Variants in MAPK10 observed in about 807,000 individuals in gnomAD.
The protein encoded by MAPK10 is mitogen-activated protein kinase 10.
In MAPK10, 25 loss-of-function variants were observed where a neutral mutation model predicts 59.3. The ratio of observed to expected loss-of-function variants is 0.42; its 90% CI spans 0.31 to 0.59. The LOEUF (loss-of-function observed/expected upper bound fraction) is 0.59. Ranked by LOEUF, MAPK10 falls within the 20% of genes least tolerant of loss-of-function variation. MAPK10 has a pLI of 0.15. For synonymous variants in MAPK10, 190 were observed against 200.5 expected (o/e 0.95, Z 0.44); for missense variants, 351 against 568.9 (o/e 0.62, Z 3.90).
In MAPK10 at chr4:86,159,399, G is replaced by A. The variant is rs2068814261; in HGVS notation, c.135C>T (p.Asp45=). The A allele has an allele frequency of 6.2e-7, 1 of 1,612,672 alleles. No homozygotes were observed. The highest frequency in any genetic ancestry group is 1.1e-5 in the South Asian group (1 of 91,002). Residue 45 remains aspartate (D), a synonymous_variant, in exon 4 of 14, where the codon GAC becomes GAT. Transcript: ENST00000641462. ...CCACTTCCACACTGTAGAACTGGTTGTCAACTTTGCTTTTGCTCATGTTGT... is the reference window on the plus strand; with the variant it reads ...CCACTTCCACACTGTAGAACTGGTTATCAACTTTGCTTTTGCTCATGTTGT... ...KHYNMSKSKV[D]NQFYSVEVGD...
intron 1 of MAPK10, among the ~76,000 whole-genome samples, chr4:86,480,952 C>A (rs76317124): frequency 0.051 from 7,757 of 152,254 alleles, 255 homozygotes; most frequent in African/African-American, 0.071. Context: ...AACAGTAACA[C>A]AATGAGGCAG....
chr4:86,315,462 G>T (rs2095762490), intron 2 of MAPK10, among the ~76,000 whole-genome samples: 1 of 151,968 alleles, frequency 6.6e-6, no homozygotes, highest in African/African-American at 2.4e-5. Context: ...CACTTTCCAT[G>T]ATGTGATTAT....
In MAPK10 at chr4:86,231,648, C is replaced by T. The variant is rs189146250; in HGVS notation, c.-6-37241G>A. On this transcript the variant is annotated intron_variant, in intron 2 of 13. Transcript: ENST00000641462. ...ACTGCACTCCAACCTGGTGACAGAG[C>T]GAGACTCTGTCTCAAAAAAAGAAAA... Among the ~76,000 whole-genome samples, 127 of 151,146 alleles carry T rather than the reference C, an allele frequency of 8.4e-4. 2 individuals are homozygous for T. In the East Asian group the frequency reaches 0.022, roughly 27 times the overall value.
Position 86,010,405 on chromosome 4 carries a change from T to G in MAPK10, c.*6823A>C, listed in dbSNP as rs1741343757. 1 of 152,214 alleles carries G rather than the reference T, an allele frequency of 6.6e-6. No homozygotes were observed. Among genetic ancestry groups the G allele is most frequent in the Admixed American group, 6.5e-5 (1 of 15,278 alleles). 9.4% of individuals were successfully genotyped at this position (152,214 alleles called of 1,614,324 possible). A position where few individuals can be genotyped will look rare whatever the true frequency, so the allele number is the denominator to read the frequency against. ...AATGAAATAAAAATATTTGCTTTAG[T>G]TTTTTTAAACAAAGATTTATTAACT... On this transcript the variant is annotated 3_prime_UTR_variant, in exon 14 of 14. Transcript: ENST00000641462.
intron 4 of MAPK10, among the ~76,000 whole-genome samples, chr4:86,111,094 A>G (rs1487174438): frequency 6.6e-6 from 1 of 152,126 alleles, no homozygotes; most frequent in South Asian, 2.1e-4. Flanking sequence ...AAAGCTTGCT[A>G]AAGTCACTTA....
intron 2 of MAPK10, among the ~76,000 whole-genome samples, chr4:86,315,262 C>T (rs866657712): frequency 2.6e-5 from 4 of 151,110 alleles, no homozygotes; most frequent in Admixed American, 1.3e-4. Flanking sequence ...GTGGGGGATG[C>T]GGGGCATGGA....
At chr4:86,580,652 A>C (rs895240498) in intron 1 of MAPK10, among the ~76,000 whole-genome samples, 3 of 152,222 alleles carry the variant, frequency 2.0e-5, no homozygotes, top group Non-Finnish European at 4.4e-5. Context: ...ATCATTTTTC[A>C]AATGCTAAAA....
At chr4:86,482,883 A>C (rs1350420628) in intron 1 of MAPK10, among the ~76,000 whole-genome samples, 1 of 152,156 alleles carries the variant, frequency 6.6e-6, no homozygotes, top group Non-Finnish European at 1.5e-5. Context: ...ATTCTGGCTC[A>C]CCTAATTTTT....
chr4:86,279,438 CT>C (rs1161100297), intron 2 of MAPK10, among the ~76,000 whole-genome samples: 1 of 152,136 alleles, frequency 6.6e-6, no homozygotes, highest in Non-Finnish European at 1.5e-5. Flanking sequence ...ATTAAATTAA[CT>C]TTCAGTGCCC....
intron 2 of MAPK10, chr4:86,340,592 A>G (rs1271494253): frequency 1.3e-5 from 2 of 152,082 alleles, no homozygotes; most frequent in African/African-American, 4.8e-5. Context: ...TGGGGATTAC[A>G]ATTCATCATG....
At chr4:86,320,897 A>G (rs183608479) in intron 2 of MAPK10, among the ~76,000 whole-genome samples, 11 of 152,304 alleles carry the variant, frequency 7.2e-5, no homozygotes, top group Admixed American at 5.9e-4. Context: ...AGAAAAAAAC[A>G]AACAACCCCA....
At chr4:86,389,473 A>G (rs773036700) in intron 1 of MAPK10, among the ~76,000 whole-genome samples, 11 of 152,336 alleles carry the variant, frequency 7.2e-5, no homozygotes, top group African/African-American at 2.4e-5. Context: ...GTAATTCTCA[A>G]TGAAAGGGAG....
chr4:86,173,748 A>G (rs544674425), intron 3 of MAPK10, among the ~76,000 whole-genome samples: 1 of 152,348 alleles, frequency 6.6e-6, no homozygotes, highest in Non-Finnish European at 1.5e-5. Context: ...AAGGTCTAAT[A>G]TCCAGAATTT....
intron 9 of MAPK10, among the ~76,000 whole-genome samples, chr4:86,097,620 C>T (rs2149064190): frequency 6.6e-6 from 1 of 152,006 alleles, no homozygotes; most frequent in Admixed American, 6.6e-5. Context: ...GGTGATTGTA[C>T]TTAGATTTGC....
At chr4:86,576,895 A>C (rs1761942211) in intron 1 of MAPK10, among the ~76,000 whole-genome samples, 1 of 152,206 alleles carries the variant, frequency 6.6e-6, no homozygotes, top group South Asian at 2.1e-4. Flanking sequence ...TACATTTAAA[A>C]ACTCAGGAAC....
intron 1 of MAPK10, among the ~76,000 whole-genome samples, chr4:86,568,706 A>C (rs1241374228): frequency 1.3e-5 from 2 of 152,226 alleles, no homozygotes; most frequent in African/African-American, 4.8e-5. Flanking sequence ...AGGATACTCT[A>C]TTCAATATAT....
At chr4:86,039,343 T>C (rs1051309896) in intron 11 of MAPK10, among the ~76,000 whole-genome samples, 1 of 152,110 alleles carries the variant, frequency 6.6e-6, no homozygotes, top group African/African-American at 2.4e-5. Flanking sequence ...CAGCACAGCA[T>C]GGAGACAGAT....
intron 1 of MAPK10, among the ~76,000 whole-genome samples, chr4:86,533,035 GA>G (rs911555440): frequency 1.4e-5 from 2 of 144,996 alleles, no homozygotes; most frequent in African/African-American, 2.5e-5. Flanking sequence ...ACTGCCTCAG[GA>G]AAAAAAAAAC....
At chr4:86,023,116 T>C (rs867434746) in intron 13 of MAPK10, among the ~76,000 whole-genome samples, 28 of 152,234 alleles carry the variant, frequency 1.8e-4, no homozygotes, top group African/African-American at 5.8e-4. Context: ...TTCATTTTTG[T>C]ATATGATATG....
Sources: allele counts gnomAD v4.1 joint callset (sites outside exome capture counted in the v4.1 genomes callset), GRCh38; gene constraint gnomAD v4.1.1; transcripts MANE v1.5; gene names NCBI Gene and HGNC (gene_info 2026-07-23, HGNC 2026-07-21).